SETD5: variants seen among roughly 807,000 people sequenced by gnomAD.
SETD5 encodes histone-lysine N-methyltransferase SETD5.
Under a neutral mutation model 153.3 loss-of-function variants are expected in SETD5, and 44 were observed. The observed-to-expected ratio is 0.29, with a 90% CI of 0.23 to 0.37. The LOEUF (loss-of-function observed/expected upper bound fraction) is 0.37, where lower values mean the gene tolerates loss of function less well. SETD5 is among the 10% of genes least tolerant of loss of function. SETD5 has a pLI of 1.00. For missense variants in SETD5, 1,544 were observed against 1,768.0 expected, an observed-to-expected ratio of 0.87 and a Z score of 2.27; for synonymous variants, 716 against 645.2, an observed-to-expected ratio of 1.11 and a Z score of -1.66.
rs1406368959 is a variant in SETD5, at chr3:9,433,916, C to T, written c.143C>T (p.Thr48Ile). Residue 48 changes from threonine (T) to isoleucine (I), a missense_variant, in exon 4 of 23, where the codon ACT becomes ATT. By Grantham distance (89) the Thr-to-Ile change is moderately conservative. This residue lies in a region of SETD5 where 251 missense variants were observed against 326.9 expected (regional missense o/e 0.77). Coordinates refer to ENST00000402198, the MANE Select transcript of SETD5 (RefSeq NM_001080517.3). ...TATTCCACTCATAATTATGGGACCA[C>T]TCAGAGGCATGGGTGTCGAGGACTG... ...SVYSTHNYGT[T>I]QRHGCRGLPY... is the part of the protein sequence containing the mutation. The T allele has an allele frequency of 3.1e-6, 5 of 1,613,822 alleles. No individual in the cohort carries two copies. The highest frequency in any genetic ancestry group is 2.5e-6 in the Non-Finnish European group (3 of 1,179,860).
At chr3:9,429,228 T>TATCTAGCAGCG in intron 3 of SETD5, 1 of 317,216 alleles carries the variant, frequency 3.2e-6, no homozygotes. Flanking sequence ...GGGCAAATAA[T>TATCTAGCAGCG]TAATAGAACC....
intron 1 of SETD5, among the ~76,000 whole-genome samples, chr3:9,403,808 T>C (rs1465059890): frequency 6.6e-6 from 1 of 152,248 alleles, no homozygotes; most frequent in African/African-American, 2.4e-5. Flanking sequence ...AAAATCATAA[T>C]GAAATATTTT....
chr3:9,399,548 T>C (rs1039003734), intron 1 of SETD5, among the ~76,000 whole-genome samples: 2 of 152,148 alleles, frequency 1.3e-5, no homozygotes, highest in Non-Finnish European at 2.9e-5. Flanking sequence ...AGACTGTCAT[T>C]ATGTGTAGAA....
chr3:9,427,121 A>G (rs751897486), intron 2 of SETD5, among the ~76,000 whole-genome samples: 1 of 152,132 alleles, frequency 6.6e-6, no homozygotes, highest in Non-Finnish European at 1.5e-5. Context: ...CCTGGACTCA[A>G]GTGATCCTTC....
Position 9,434,185 on chromosome 3 carries a change from C to G in SETD5, c.178-149C>G. ...GGTTGAAGCCAAAAAACAAAGGGTA[C>G]TACTTTCTTCTTTCTTTCCATATGT... On this transcript the variant is annotated intron_variant, in intron 4 of 22. Transcript: ENST00000402198. This position sits in a 1 kb window ranked among gnomAD's most constrained non-coding sequence, Gnocchi z 5.6. The G allele has an allele frequency of 6.5e-7, 1 of 1,548,692 alleles. No homozygotes were observed. The highest frequency in any genetic ancestry group is 8.7e-7 in the Non-Finnish European group (1 of 1,144,280).
At chr3:9,443,156 GA>G in intron 10 of SETD5, 151 bp from the exon 11 acceptor site, 1 of 609,712 alleles carries the variant, frequency 1.6e-6, no homozygotes. Flanking sequence ...AGTTTCAGAT[GA>G]AATGAAGGGG....
At chr3:9,453,107 C>CT (rs1188804280) in intron 16 of SETD5, among the ~76,000 whole-genome samples, 37 of 151,862 alleles carry the variant, frequency 2.4e-4, no homozygotes, top group African/African-American at 5.3e-4. Flanking sequence ...GACTTTTTCC[C>CT]TTTTTTTTGA....
chr3:9,445,988 T>TTTTTTTTTTTTTTTTTTTA (rs1260243657), intron 13 of SETD5, among the ~76,000 whole-genome samples: 1 of 145,618 alleles, frequency 6.9e-6, no homozygotes, highest in African/African-American at 2.6e-5. Flanking sequence ...TTTTTTTTTT[T>TTTTTTTTTTTTTTTTTTTA]ACTAACAATC....
rs571200177 is a variant in SETD5, at chr3:9,429,070, T to C, written c.71+61T>C. 81 of 1,152,298 alleles carry C rather than the reference T, an allele frequency of 7.0e-5. No homozygotes were observed. The South Asian group carries it at 1.0e-3, about 14-fold the overall frequency. The allele number at this position is 1,152,298 out of a possible 1,614,324, so 71.4% of individuals were successfully genotyped here. On this transcript the variant is annotated intron_variant, in intron 3 of 22. Transcript: ENST00000402198. ...AGTCTGTGTGGAGACAGCCTTCTTA[T>C]GGATAGCTAATAGGATAATATGTAG...
intron 16 of SETD5, among the ~76,000 whole-genome samples, chr3:9,453,030 T>TA (rs754637813): frequency 6.6e-6 from 1 of 152,198 alleles, no homozygotes; most frequent in Non-Finnish European, 1.5e-5. Context: ...GGCCTAAATT[T>TA]ATTTCTTGTC....
chr3:9,435,972 G>A, intron 7 of SETD5, 66 bp downstream of exon 7: 2 of 1,414,232 alleles, frequency 1.4e-6, no homozygotes, highest in Non-Finnish European at 1.9e-6. Flanking sequence ...GAGCAAGAAT[G>A]CACCAAAATT....
chr3:9,426,013 G>A (rs1559382366), intron 2 of SETD5: 1 of 151,996 alleles, frequency 6.6e-6, no homozygotes, highest in Non-Finnish European at 1.5e-5. Flanking sequence ...AATAGAAAGA[G>A]TAGTGACCAA....
At chr3:9,411,459 T>G (rs2036561335) in intron 1 of SETD5, among the ~76,000 whole-genome samples, 1 of 152,224 alleles carries the variant, frequency 6.6e-6, no homozygotes, top group Non-Finnish European at 1.5e-5. Context: ...ATACGTCACT[T>G]TCTAATGACT....
chr3:9,418,066 G>T (rs1294458568), intron 1 of SETD5, among the ~76,000 whole-genome samples: 1 of 149,436 alleles, frequency 6.7e-6, no homozygotes, highest in African/African-American at 2.5e-5. Flanking sequence ...TCAGCCTCCC[G>T]AATAGCTGGG....
intron 1 of SETD5, among the ~76,000 whole-genome samples, chr3:9,406,607 CAA>C (rs746999028): frequency 1.0e-4 from 10 of 99,198 alleles, no homozygotes; most frequent in Non-Finnish European, 8.2e-5. Flanking sequence ...GACTCTGTCT[CAA>C]AAAAAAAAAA....
At position 9,400,977 on chromosome 3, in the gene SETD5, A is replaced by G. The variant is rs367649643; in HGVS notation, c.-177+3000A>G. ...TGTTTTTCTTCCCCAAGACTCGTGT[A>G]TCCTATACTTTTTTCTCTCAGAATT... On this transcript the variant is annotated intron_variant, in intron 1 of 22. Coordinates refer to ENST00000402198, the MANE Select transcript of SETD5 (RefSeq NM_001080517.3). 9.2e-5 allele frequency among the ~76,000 whole-genome samples: 14 copies of G among 152,336 alleles called. No homozygotes were observed. In the East Asian group the frequency reaches 1.3e-3, roughly 15 times the overall value.
chr3:9,462,989 T>C (rs543161938), intron 17 of SETD5, among the ~76,000 whole-genome samples: 1 of 152,170 alleles, frequency 6.6e-6, no homozygotes, highest in South Asian at 2.1e-4. Flanking sequence ...TTGATCATGC[T>C]AATACTAATG....
rs767262616 is a variant in SETD5 at position 9,447,064 on chromosome 3, A to C, written c.1539A>C (p.Arg513Ser). The C allele has an allele frequency of 6.2e-7, 1 of 1,611,656 alleles. No individual in the cohort carries two copies. The highest frequency in any genetic ancestry group is 1.1e-5 in the South Asian group (1 of 90,698). The change falls in exon 14 of 23, where the codon AGA becomes AGC. Residue 513 changes from arginine (R) to serine (S), a missense_variant. By Grantham distance (110) the Arg-to-Ser change is moderately radical. Around this residue, in one of 9 missense-constraint regions of SETD5, gnomAD observed 782 missense variants for 787.2 expected, o/e 0.99. Coordinates refer to ENST00000402198, the MANE Select transcript of SETD5 (RefSeq NM_001080517.3). ...TCTCTTTCTAGACCAGGGAAGATAG[A>C]AAGGTAGAAGCCATCATGCATGCTT... is the stretch of plus-strand genomic sequence containing the variant. ...LAHSRRTRED[R>S]KVEAIMHAFE... is the part of the protein sequence containing the mutation.
chr3:9,420,011 G>T (rs1169198498), intron 1 of SETD5, among the ~76,000 whole-genome samples: 1 of 152,130 alleles, frequency 6.6e-6, no homozygotes, highest in Non-Finnish European at 1.5e-5. Context: ...TTCAGAAAGT[G>T]TTGAGAGTAT....
Sources: gnomAD v4.1 joint callset for allele counts (sites outside exome capture counted in the v4.1 genomes callset) on GRCh38, gnomAD v4.1.1 for gene constraint, gnomAD v4.1.1 regional missense constraint, Gnocchi (gnomAD v3.1) non-coding constraint, MANE v1.5 for transcripts, NCBI Gene and HGNC (gene_info 2026-07-23, HGNC 2026-07-21) for gene names.